Variants in LDB2 observed in about 807,000 individuals in gnomAD.
LDB2 encodes LIM domain-binding protein 2.
Under a neutral mutation model 44.3 loss-of-function variants are expected in LDB2, and 12 were observed. The ratio of observed to expected loss-of-function variants is 0.27; its 90% CI spans 0.17 to 0.44. The LOEUF (loss-of-function observed/expected upper bound fraction) is 0.44, where lower values mean the gene tolerates loss of function less well. LDB2 is among the 20% of genes least tolerant of loss of function. The probability of loss-of-function intolerance (pLI) is 1.00; values close to 1 mark genes in which losing one functional copy is unlikely to be tolerated. For synonymous variants in LDB2, 164 were observed against 174.8 expected (o/e 0.94, Z 0.49); for missense variants, 344 against 473.5 (o/e 0.73, Z 2.54).
At chr4:16,643,800 A>T (rs945112596) in intron 2 of LDB2, among the ~76,000 whole-genome samples, 3 of 152,172 alleles carry the variant, frequency 2.0e-5, no homozygotes, top group Non-Finnish European at 4.4e-5. Context: ...TGCATCTCAC[A>T]AATAAAGTGT....
intron 1 of LDB2, among the ~76,000 whole-genome samples, chr4:16,818,491 A>G (rs1781350547): frequency 2.0e-5 from 3 of 152,214 alleles, no homozygotes; most frequent in Non-Finnish European, 4.4e-5. Context: ...TCAAAATACA[A>G]TATTTTGAAT....
intron 1 of LDB2, among the ~76,000 whole-genome samples, chr4:16,866,060 A>G (rs752227974): frequency 2.0e-5 from 3 of 152,188 alleles, no homozygotes; most frequent in Non-Finnish European, 2.9e-5. Context: ...TGGAAGTCTA[A>G]TAATTGTTGT....
At chr4:16,568,783 T>C (rs368139164) in intron 5 of LDB2, among the ~76,000 whole-genome samples, 2 of 152,200 alleles carry the variant, frequency 1.3e-5, no homozygotes, top group African/African-American at 2.4e-5. Context: ...AATCCACATA[T>C]AGGTGGACCC....
chr4:16,887,014 C>T (rs1374852041), intron 1 of LDB2, among the ~76,000 whole-genome samples: 4 of 110,530 alleles, frequency 3.6e-5, no homozygotes, highest in Non-Finnish European at 6.6e-5. Flanking sequence ...GCCTGGGCGA[C>T]AGAGCGAAAC....
At chr4:16,584,725 T>G (rs574299782) in intron 5 of LDB2, among the ~76,000 whole-genome samples, 3 of 152,196 alleles carry the variant, frequency 2.0e-5, no homozygotes, top group Non-Finnish European at 4.4e-5. Flanking sequence ...GACCTCAGTC[T>G]TCATGGGCCA....
chr4:16,727,717 T>C (rs567459483), intron 2 of LDB2, among the ~76,000 whole-genome samples: 1 of 152,326 alleles, frequency 6.6e-6, no homozygotes, highest in South Asian at 2.1e-4. Flanking sequence ...TTATCTAGCA[T>C]CCCACTCTTT....
chr4:16,779,932 T>C (rs1772801659), intron 1 of LDB2, among the ~76,000 whole-genome samples: 1 of 152,258 alleles, frequency 6.6e-6, no homozygotes, highest in Non-Finnish European at 1.5e-5. Flanking sequence ...TTTTCTGTAT[T>C]TGTTTTTTTG....
At chr4:16,629,618 A>G (rs11732714) in intron 2 of LDB2, among the ~76,000 whole-genome samples, 65,346 of 151,830 alleles carry the variant, frequency 0.43, 14,417 homozygotes, top group Middle Eastern at 0.63. Context: ...GCTTCAGAAG[A>G]TTGGTAATAA....
At chr4:16,897,916 A>ACACATATG (rs1725641038) in intron 1 of LDB2, among the ~76,000 whole-genome samples, 1 of 16,524 alleles carries the variant, frequency 6.1e-5, no homozygotes, top group African/African-American at 4.7e-4. Context: ...ATATATATAT[A>ACACATATG]TATATATATA....
intron 1 of LDB2, among the ~76,000 whole-genome samples, chr4:16,822,215 T>G (rs158265): frequency 0.4 from 61,155 of 152,036 alleles, 12,697 homozygotes; most frequent in East Asian, 0.67. Flanking sequence ...TTAACTATTA[T>G]TTTTACAGTA....
chr4:16,852,427 C>T (rs1396694443), intron 1 of LDB2, among the ~76,000 whole-genome samples: 1 of 152,152 alleles, frequency 6.6e-6, no homozygotes, highest in African/African-American at 2.4e-5. Flanking sequence ...AACTTCCACA[C>T]ACATGGGATG....
chr4:16,537,261 T>A (rs1417783390), intron 5 of LDB2, among the ~76,000 whole-genome samples: 4 of 152,198 alleles, frequency 2.6e-5, no homozygotes, highest in African/African-American at 9.6e-5. Context: ...GAAAACACAA[T>A]GTAGTTTTTA....
At chr4:16,679,411 C>A (rs1007514126) in intron 2 of LDB2, among the ~76,000 whole-genome samples, 2 of 152,096 alleles carry the variant, frequency 1.3e-5, no homozygotes. Flanking sequence ...TGAGTGCTAA[C>A]GTTTTTCTAG....
chr4:16,861,872 G>A (rs564474875), intron 1 of LDB2, among the ~76,000 whole-genome samples: 4 of 152,272 alleles, frequency 2.6e-5, no homozygotes, highest in Admixed American at 2.0e-4. Flanking sequence ...TCATCCTCCC[G>A]AACCTATACA....
intron 1 of LDB2, among the ~76,000 whole-genome samples, chr4:16,772,597 T>C (rs1185652860): frequency 1.3e-5 from 2 of 152,172 alleles, no homozygotes; most frequent in African/African-American, 4.8e-5. Context: ...ATTAAAAGCA[T>C]TAAGAAATAT....
intron 5 of LDB2, among the ~76,000 whole-genome samples, chr4:16,561,333 G>T (rs1345634409): frequency 6.6e-6 from 1 of 152,116 alleles, no homozygotes; most frequent in Non-Finnish European, 1.5e-5. Context: ...CGTCTCAGCT[G>T]AAAATCTCCT....
chr4:16,715,872 A>G (rs1400927663), intron 2 of LDB2, among the ~76,000 whole-genome samples: 1 of 152,028 alleles, frequency 6.6e-6, no homozygotes, highest in African/African-American at 2.4e-5. Context: ...CTTTTTTATA[A>G]TCTCTTCGAG....
At chr4:16,734,162 G>A (rs982776774) in intron 2 of LDB2, among the ~76,000 whole-genome samples, 13 of 152,166 alleles carry the variant, frequency 8.5e-5, no homozygotes, top group Non-Finnish European at 1.8e-4. Flanking sequence ...CTAGTTTGCA[G>A]CACATAGCAG....
chr4:16,857,699 G>A (rs776374375), intron 1 of LDB2, among the ~76,000 whole-genome samples: 4 of 152,142 alleles, frequency 2.6e-5, no homozygotes, highest in Admixed American at 2.6e-4. Context: ...GCTCTTCCTC[G>A]AAATGTTGGC....
Sources: allele counts gnomAD v4.1 joint callset (sites outside exome capture counted in the v4.1 genomes callset), GRCh38; gene constraint gnomAD v4.1.1; transcripts MANE v1.5; gene names NCBI Gene and HGNC (gene_info 2026-07-23, HGNC 2026-07-21).